Variants in MED12L observed in about 807,000 individuals in gnomAD.
MED12L encodes the protein mediator complex subunit 12L.
A neutral mutation model predicts 281.3 loss-of-function variants in MED12L; 60 were observed. That is an observed-to-expected ratio of 0.21 (90% CI 0.17 to 0.26). The LOEUF (loss-of-function observed/expected upper bound fraction) is 0.26. Among genes scored for constraint, MED12L ranks in the 10% least tolerant of loss-of-function variants. The probability of loss-of-function intolerance (pLI) is 1.00; values close to 1 mark genes in which losing one functional copy is unlikely to be tolerated. For missense variants in MED12L, 2,146 were observed against 2,680.9 expected, an observed-to-expected ratio of 0.80 and a Z score of 4.41; for synonymous variants, 974 against 987.2, an observed-to-expected ratio of 0.99 and a Z score of 0.25.
chr3:151,413,376 C>G, intron 42 of MED12L, 81 bp downstream of exon 42: 2 of 1,468,738 alleles, frequency 1.4e-6, no homozygotes, highest in Non-Finnish European at 1.8e-6. Context: ...ATGAAAAACA[C>G]TATAGTTGTC....
chr3:151,356,176 G>A, intron 19 of MED12L, 137 bp downstream of exon 19: 1 of 853,710 alleles, frequency 1.2e-6, no homozygotes. Context: ...GAGGTAGGAG[G>A]ATTGCTTGAA....
chr3:151,334,188 C>CTTTTTTTTT (rs1225344552), intron 16 of MED12L, among the ~76,000 whole-genome samples: 1 of 30,302 alleles, frequency 3.3e-5, no homozygotes, highest in Admixed American at 3.6e-4. Flanking sequence ...TTTTTTCTTT[C>CTTTTTTTTT]TTTCTTTCTT....
chr3:151,315,770 A>G (rs1479684214), intron 16 of MED12L, among the ~76,000 whole-genome samples: 3 of 152,246 alleles, frequency 2.0e-5, no homozygotes, highest in African/African-American at 7.2e-5. Flanking sequence ...GAGAACAATT[A>G]TGAAAGAAAT....
chr3:151,430,395 G>T lies in MED12L; in HGVS notation c.6490+15G>T. 6.2e-7 allele frequency: 1 copy of T among 1,613,862 alleles called. No individual in the cohort carries two copies. Among genetic ancestry groups the T allele is most frequent in the Non-Finnish European group, 8.5e-7 (1 of 1,179,824 alleles). ...GCAGCTTTCCAGTAAGTACCCCTGT[G>T]TGTCATGGAACAGACAGCTCCCGGA... is the stretch of plus-strand genomic sequence containing the variant. On this transcript the variant is annotated intron_variant, in intron 44 of 44. Transcript: ENST00000687756.
rs1712835642 is a variant in MED12L, at chr3:151,383,774, G to A, written c.4681-5G>A. 1 of 1,598,930 alleles carries A rather than the reference G, an allele frequency of 6.3e-7. No homozygotes were observed. Among genetic ancestry groups the A allele is most frequent in the African/African-American group, 1.3e-5 (1 of 74,716 alleles). ...GCAAATATCTTACTGTATTTTGTCTGCTAGGTAGGAGGAATGTTTGACACG... is the reference window on the plus strand; with the variant it reads ...GCAAATATCTTACTGTATTTTGTCTACTAGGTAGGAGGAATGTTTGACACG... On this transcript the variant is annotated splice_polypyrimidine_tract_variant and splice_region_variant and intron_variant, in intron 33 of 44. Transcript: ENST00000687756.
At chr3:151,220,446 A>G (rs541446549) in intron 16 of MED12L, among the ~76,000 whole-genome samples, 158 of 152,210 alleles carry the variant, frequency 1.0e-3, no homozygotes, top group Non-Finnish European at 1.8e-3. Flanking sequence ...AGATTCCATT[A>G]TGTCTGGAGT....
chr3:151,221,833 C>T (rs753451442), intron 16 of MED12L, among the ~76,000 whole-genome samples: 8 of 152,316 alleles, frequency 5.3e-5, no homozygotes, highest in South Asian at 2.1e-4. Flanking sequence ...CCTACTGGGG[C>T]ACCATCTAAT....
At chr3:151,298,390 A>G (rs1259819638) in intron 16 of MED12L, among the ~76,000 whole-genome samples, 1 of 152,206 alleles carries the variant, frequency 6.6e-6, no homozygotes, top group African/African-American at 2.4e-5. Context: ...GCTGTTTTAC[A>G]GTGTAAAGGC....
chr3:151,231,417 T>A (rs1731641993), intron 16 of MED12L, among the ~76,000 whole-genome samples: 1 of 152,258 alleles, frequency 6.6e-6, no homozygotes, highest in Admixed American at 6.5e-5. Context: ...GGTCACTGAA[T>A]GATCCAACTT....
chr3:151,418,482 C>A (rs1041293837), intron 43 of MED12L, among the ~76,000 whole-genome samples: 2 of 152,164 alleles, frequency 1.3e-5, no homozygotes, highest in African/African-American at 4.8e-5. Context: ...ATGAAGTTGA[C>A]ATTTTTAAGG....
At chr3:151,302,443 A>G (rs915829719) in intron 16 of MED12L, among the ~76,000 whole-genome samples, 5 of 152,212 alleles carry the variant, frequency 3.3e-5, no homozygotes, top group African/African-American at 4.8e-5. Context: ...AATCTTTTGA[A>G]TCATGGGAAC....
Position 151,436,579 on chromosome 3 carries a change from T to G in MED12L, c.*3775T>G. On this transcript the variant is annotated 3_prime_UTR_variant, in exon 45 of 45. Transcript: ENST00000687756. ...TTTATTTTGCATGTTCATTGTAAAT[T>G]TAATACTGTAAATGTATTCAAATTC... The G allele has an allele frequency of 1.4e-6, 1 of 717,474 alleles. No homozygotes were observed. Among genetic ancestry groups the G allele is most frequent in the African/African-American group, 1.8e-5 (1 of 56,104 alleles). The allele number at this position is 717,474 out of a possible 1,614,324, so 44.4% of individuals were successfully genotyped here.
intron 43 of MED12L, among the ~76,000 whole-genome samples, chr3:151,421,250 C>T (rs1478555034): frequency 2.0e-5 from 3 of 152,184 alleles, no homozygotes; most frequent in Non-Finnish European, 2.9e-5. Context: ...AAATCTTCCT[C>T]TGCTGAGGTC....
chr3:151,156,537 T>C (rs951611875), intron 6 of MED12L, among the ~76,000 whole-genome samples: 6 of 152,252 alleles, frequency 3.9e-5, no homozygotes, highest in African/African-American at 1.2e-4. Context: ...GATCTCCAGC[T>C]TTCAATCATG....
chr3:151,235,890 C>G (rs4076581), intron 16 of MED12L, among the ~76,000 whole-genome samples: 1 of 151,784 alleles, frequency 6.6e-6, no homozygotes, highest in African/African-American at 2.4e-5. Context: ...CCCCCTATGT[C>G]GCATTCTCTA....
intron 11 of MED12L, among the ~76,000 whole-genome samples, chr3:151,183,743 A>C (rs192493277): frequency 6.6e-6 from 1 of 152,364 alleles, no homozygotes; most frequent in African/African-American, 2.4e-5. Context: ...TAAAATCTTC[A>C]GTGGGAAAAG....
In MED12L at chr3:151,367,679, A is replaced by G. The variant is rs1007996461; in HGVS notation, c.3361A>G (p.Thr1121Ala). The G allele has an allele frequency of 1.2e-6, 2 of 1,609,184 alleles. No individual in the cohort carries two copies. Among genetic ancestry groups the G allele is most frequent in the African/African-American group, 2.7e-5 (2 of 74,644 alleles). The change falls in exon 24 of 45, where the codon ACT (threonine) becomes GCT (alanine). Residue 1121 changes from threonine to alanine, a missense_variant. This residue lies in a region of MED12L where 404 missense variants were observed against 603.5 expected (regional missense o/e 0.67). Transcript: ENST00000687756. ...SDLSFHDSLA[T>A]FIAILIARQC... ...CCTTTCATTCCATGATTCATTAGCT[A>G]CTTTCATTGCTATTCTGATAGCACG...
chr3:151,327,181 G>A (rs1350468376), intron 16 of MED12L: 1 of 152,102 alleles, frequency 6.6e-6, no homozygotes, highest in African/African-American at 2.4e-5. Context: ...CACCCAAACA[G>A]TAGAAGTATT....
intron 2 of MED12L, among the ~76,000 whole-genome samples, chr3:151,105,656 C>A (rs1364626438): frequency 1.3e-5 from 2 of 152,302 alleles, no homozygotes; most frequent in South Asian, 4.1e-4. Context: ...TTCCCAGGGT[C>A]TGTCTTAGGT....
Sources: gnomAD v4.1 joint callset for allele counts (sites outside exome capture counted in the v4.1 genomes callset) on GRCh38, gnomAD v4.1.1 for gene constraint, gnomAD v4.1.1 regional missense constraint, MANE v1.5 for transcripts, NCBI Gene and HGNC (gene_info 2026-07-23, HGNC 2026-07-21) for gene names.